APPBP2: variants seen among roughly 807,000 people sequenced by gnomAD.
APPBP2 encodes the protein amyloid beta precursor protein binding protein 2.
APPBP2 carries 15 observed loss-of-function variants against 76.0 expected under a neutral mutation model. The ratio of observed to expected loss-of-function variants is 0.20; its 90% confidence interval spans 0.13 to 0.30. The LOEUF (loss-of-function observed/expected upper bound fraction) is 0.30. Among genes scored for constraint, APPBP2 ranks in the 10% least tolerant of loss-of-function variants. The pLI is 1.00. For synonymous variants in APPBP2, 222 were observed against 242.2 expected, an observed-to-expected ratio of 0.92 and a Z score of 0.77; for missense variants, 401 against 687.2, an observed-to-expected ratio of 0.58 and a Z score of 4.66.
chr17:60,523,071 G>A (rs2091023524), intron 1 of APPBP2, among the ~76,000 whole-genome samples: 1 of 151,844 alleles, frequency 6.6e-6, no homozygotes, highest in Middle Eastern at 3.2e-3. Flanking sequence ...CAAGCAGAAT[G>A]GGGAAATTTG....
At chr17:60,498,857 T>C (rs1385423301) in intron 2 of APPBP2, among the ~76,000 whole-genome samples, 2 of 152,134 alleles carry the variant, frequency 1.3e-5, no homozygotes, top group Non-Finnish European at 1.5e-5. Flanking sequence ...GAAAAACTAA[T>C]TGAGACAATT....
chr17:60,450,045 C>T (rs1213374520), intron 12 of APPBP2, among the ~76,000 whole-genome samples: 2 of 151,966 alleles, frequency 1.3e-5, no homozygotes, highest in Non-Finnish European at 2.9e-5. Context: ...GATCCACCTG[C>T]CTCGGCCTCC....
intron 1 of APPBP2, among the ~76,000 whole-genome samples, chr17:60,509,197 T>C (rs1030799521): frequency 6.6e-6 from 1 of 151,780 alleles, no homozygotes; most frequent in Non-Finnish European, 1.5e-5. Context: ...TTGGCCAGCA[T>C]GGTGAAACCC....
intron 1 of APPBP2, among the ~76,000 whole-genome samples, chr17:60,507,098 AG>A (rs745387093): frequency 1.3e-5 from 2 of 152,146 alleles, no homozygotes; most frequent in Non-Finnish European, 2.9e-5. Flanking sequence ...GTACATTTGC[AG>A]GCTTGTTACA....
At chr17:60,520,273 T>TA (rs1030255106) in intron 1 of APPBP2, among the ~76,000 whole-genome samples, 23 of 152,192 alleles carry the variant, frequency 1.5e-4, no homozygotes, top group Admixed American at 2.6e-4. Flanking sequence ...CTTTAATTTT[T>TA]AAAAAAATCA....
rs376088554 is a variant in APPBP2, at chr17:60,513,601, T to C, written c.138+12193A>G. ...TTGAGGGCGGGCACGGTGGCTCACA[T>C]CTGTAATCCCAGCACTTTGAGAGGC... On this transcript the variant is annotated intron_variant, in intron 1 of 12. Transcript: ENST00000083182. 470 of 334,636 alleles carry C rather than the reference T, an allele frequency of 1.4e-3. 10 individuals carry two copies. In the South Asian group the frequency reaches 0.017, roughly 12 times the overall value. The allele number at this position is 334,636 out of a possible 1,614,324, so 20.7% of individuals were successfully genotyped here. A position where few individuals can be genotyped will look rare whatever the true frequency, so the allele number is the denominator to read the frequency against.
At chr17:60,519,566 G>A (rs2090991478) in intron 1 of APPBP2, among the ~76,000 whole-genome samples, 1 of 151,900 alleles carries the variant, frequency 6.6e-6, no homozygotes, top group Non-Finnish European at 1.5e-5. Context: ...GGGACGATGA[G>A]GCAGGAGGAT....
intron 1 of APPBP2, among the ~76,000 whole-genome samples, chr17:60,511,722 G>A (rs1567940903): frequency 6.6e-6 from 1 of 152,010 alleles, no homozygotes; most frequent in Non-Finnish European, 1.5e-5. Flanking sequence ...ATTAGAAAAT[G>A]CAGGGAATTT....
chr17:60,468,295 T>C (rs1567923391), intron 4 of APPBP2: 1 of 151,646 alleles, frequency 6.6e-6, no homozygotes. Flanking sequence ...AGGCAGAAGA[T>C]ACTGTAACAG....
At chr17:60,481,331 C>T (rs2090626812) in intron 3 of APPBP2, among the ~76,000 whole-genome samples, 1 of 152,144 alleles carries the variant, frequency 6.6e-6, no homozygotes, top group Non-Finnish European at 1.5e-5. Flanking sequence ...TGGCTCATGC[C>T]TGTAATTCCA....
chr17:60,449,348 T>C (rs1437336676), intron 12 of APPBP2, among the ~76,000 whole-genome samples: 1 of 152,098 alleles, frequency 6.6e-6, no homozygotes, highest in Non-Finnish European at 1.5e-5. Context: ...TCCCAGCACT[T>C]TGGGAGGCCC....
At chr17:60,479,708 T>C (rs764693643) in intron 3 of APPBP2, among the ~76,000 whole-genome samples, 1 of 152,310 alleles carries the variant, frequency 6.6e-6, no homozygotes, top group African/African-American at 2.4e-5. Context: ...TAATCGATTA[T>C]CTTATTATTT....
intron 3 of APPBP2, among the ~76,000 whole-genome samples, chr17:60,483,498 A>G (rs1419373661): frequency 6.6e-6 from 1 of 152,052 alleles, no homozygotes; most frequent in East Asian, 1.9e-4. Context: ...GGTTCACGCC[A>G]TTCTCCTGCC....
chr17:60,449,781 C>T (rs1377972766), intron 12 of APPBP2, among the ~76,000 whole-genome samples: 1 of 151,756 alleles, frequency 6.6e-6, no homozygotes, highest in Non-Finnish European at 1.5e-5. Flanking sequence ...ATCTTTATTA[C>T]TTTGGGTAGA....
intron 12 of APPBP2, among the ~76,000 whole-genome samples, chr17:60,450,973 G>C (rs1297655235): frequency 1.3e-5 from 2 of 152,154 alleles, no homozygotes; most frequent in African/African-American, 4.8e-5. Flanking sequence ...AAATGGGCAA[G>C]AGTTTTAACA....
chr17:60,526,121 C>G lies in APPBP2; in HGVS notation c.-190G>C, dbSNP rs915420641. 1.2e-4 allele frequency: 72 copies of G among 599,592 alleles called. No individual in the cohort carries two copies. Among genetic ancestry groups the G allele is most frequent in the African/African-American group, 1.1e-3 (59 of 53,626 alleles). The allele number at this position is 599,592 out of a possible 1,614,324, so 37.1% of individuals were successfully genotyped here. A position where few individuals can be genotyped will look rare whatever the true frequency, so the allele number is the denominator to read the frequency against. On this transcript the variant is annotated 5_prime_UTR_variant, in exon 1 of 13. Coordinates refer to ENST00000083182, the MANE Select transcript of APPBP2 (RefSeq NM_006380.5). ...GAGGGACGGCGGCAGCGGACGCAGGCCCGAGTAAAAAGTGGGACAGAAAAC... is the reference window on the plus strand; with the variant it reads ...GAGGGACGGCGGCAGCGGACGCAGGGCCGAGTAAAAAGTGGGACAGAAAAC...
At chr17:60,505,683 T>TTTTTTTTG (rs2090861750) in intron 1 of APPBP2, among the ~76,000 whole-genome samples, 2 of 131,586 alleles carry the variant, frequency 1.5e-5, no homozygotes, top group African/African-American at 6.3e-5. Flanking sequence ...GCGGTTTTTT[T>TTTTTTTTG]TTTTTTTTTT....
chr17:60,449,489 G>A (rs977281440), intron 12 of APPBP2, among the ~76,000 whole-genome samples: 6 of 152,122 alleles, frequency 3.9e-5, no homozygotes, highest in African/African-American at 1.4e-4. Flanking sequence ...CCAGCTACTT[G>A]GGAAACTGAG....
intron 9 of APPBP2, 84 bp from the exon 10 acceptor site, chr17:60,456,465 A>G (rs2143301504): frequency 1.2e-6 from 1 of 868,096 alleles, no homozygotes; most frequent in East Asian, 2.5e-5. Context: ...CTGTAATATA[A>G]TATTGATAGA....
Sources: allele counts gnomAD v4.1 joint callset (sites outside exome capture counted in the v4.1 genomes callset), GRCh38; gene constraint gnomAD v4.1.1; transcripts MANE v1.5; gene names NCBI Gene and HGNC (gene_info 2026-07-23, HGNC 2026-07-21).